CCDC171: variants seen among roughly 807,000 people sequenced by gnomAD.
CCDC171 encodes coiled-coil domain containing 171, also known as coiled-coil domain-containing protein 171.
A neutral mutation model predicts 168.2 loss-of-function variants in CCDC171; 177 were observed. That is an observed-to-expected ratio of 1.05 (90% CI 0.93 to 1.19). CCDC171 has a LOEUF of 1.19. Ranked by LOEUF, CCDC171 falls within the 50% of genes most tolerant of loss-of-function variation. The pLI, the probability that CCDC171 is intolerant of heterozygous loss-of-function variation, is 0.00. For synonymous variants in CCDC171, 687 were observed against 540.8 expected, an observed-to-expected ratio of 1.27 and a Z score of -3.75; for missense variants, 1,991 against 1,539.0, an observed-to-expected ratio of 1.29 and a Z score of -4.91.
chr9:15,629,484 A>G (rs1000043313), intron 7 of CCDC171, among the ~76,000 whole-genome samples: 2 of 152,192 alleles, frequency 1.3e-5, no homozygotes, highest in African/African-American at 4.8e-5. Flanking sequence ...AGAAAAAAGA[A>G]TAAAAAGAAA....
chr9:15,657,687 T>TA (rs1416679060), intron 8 of CCDC171, among the ~76,000 whole-genome samples: 2 of 152,228 alleles, frequency 1.3e-5, no homozygotes, highest in African/African-American at 4.8e-5. Flanking sequence ...TTTTGTAACT[T>TA]ACATTTTGTT....
intron 7 of CCDC171, among the ~76,000 whole-genome samples, chr9:15,633,404 C>T (rs536994816): frequency 6.6e-6 from 1 of 152,022 alleles, no homozygotes; most frequent in South Asian, 2.1e-4. Context: ...TTTATGCAGC[C>T]AAAAAAACAC....
intron 1 of CCDC171, among the ~76,000 whole-genome samples, chr9:16,058,340 C>A (rs2133082077): frequency 6.6e-6 from 1 of 152,316 alleles, no homozygotes; most frequent in East Asian, 1.9e-4. Flanking sequence ...TGAGAACACT[C>A]CCCTGCCTCT....
rs539207256 is a variant in CCDC171 at position 15,703,511 on chromosome 9, A to G, written c.1318+8174A>G. ...TCATGTATGAGTGAAAACATGTAGT[A>G]TTTGTCTTTCTGTGCCAGGCTTATT... On this transcript the variant is annotated intron_variant, in intron 11 of 25. Transcript: ENST00000380701. Among the ~76,000 whole-genome samples, 4 of 152,206 alleles carry G rather than the reference A, an allele frequency of 2.6e-5. No individual in the cohort carries two copies. The East Asian group carries it at 7.7e-4, about 29-fold the overall frequency.
intron 21 of CCDC171, among the ~76,000 whole-genome samples, chr9:15,827,975 T>G (rs897775031): frequency 6.6e-6 from 1 of 152,228 alleles, no homozygotes; most frequent in Non-Finnish European, 1.5e-5. Flanking sequence ...AGGACCTTTC[T>G]TTCTTAGAAG....
chr9:16,054,469 G>T (rs1353756026), intron 1 of CCDC171, among the ~76,000 whole-genome samples: 2 of 152,010 alleles, frequency 1.3e-5, no homozygotes, highest in East Asian at 3.9e-4. Flanking sequence ...GAGATTTCAG[G>T]CATAGCGAGT....
At chr9:15,688,619 G>A (rs2050575600) in intron 10 of CCDC171, among the ~76,000 whole-genome samples, 1 of 152,138 alleles carries the variant, frequency 6.6e-6, no homozygotes, top group South Asian at 2.1e-4. Flanking sequence ...TATCTCAATA[G>A]ACACAGAAAA....
chr9:15,665,133 A>T (rs546616885), intron 8 of CCDC171, among the ~76,000 whole-genome samples: 320 of 151,156 alleles, frequency 2.1e-3, no homozygotes, highest in African/African-American at 7.1e-3. Flanking sequence ...ATTTTTTTTT[A>T]AATTTTTTAT....
chr9:16,041,475 T>G (rs1427913561), upstream of CCDC171, among the ~76,000 whole-genome samples: 1 of 152,198 alleles, frequency 6.6e-6, no homozygotes, highest in Non-Finnish European at 1.5e-5. Flanking sequence ...GCGAAGAAGC[T>G]GGGGTTTTTG....
chr9:15,797,087 G>A (rs1015372136), intron 21 of CCDC171, among the ~76,000 whole-genome samples: 6 of 152,148 alleles, frequency 3.9e-5, no homozygotes, highest in Non-Finnish European at 8.8e-5. Context: ...TATAATGGGT[G>A]TATATGGTAT....
intron 6 of CCDC171, among the ~76,000 whole-genome samples, chr9:15,608,739 C>T (rs1327140815): frequency 6.6e-6 from 1 of 150,394 alleles, no homozygotes; most frequent in Non-Finnish European, 1.5e-5. Flanking sequence ...ATTGCTTGAG[C>T]CCAGGAGTTC....
At chr9:15,867,645 C>T (rs1324489508) in intron 23 of CCDC171, among the ~76,000 whole-genome samples, 2 of 152,034 alleles carry the variant, frequency 1.3e-5, no homozygotes, top group African/African-American at 2.4e-5. Context: ...AATGATACTC[C>T]AGCTCAAGAG....
At chr9:15,655,619 C>T (rs2047870500) in intron 7 of CCDC171, among the ~76,000 whole-genome samples, 1 of 152,110 alleles carries the variant, frequency 6.6e-6, no homozygotes, top group Non-Finnish European at 1.5e-5. Context: ...AAGGAGAAGA[C>T]AGGACGTAGA....
At chr9:15,589,057 GT>G (rs2041803087) in intron 4 of CCDC171, among the ~76,000 whole-genome samples, 1 of 151,852 alleles carries the variant, frequency 6.6e-6, no homozygotes, top group Admixed American at 6.6e-5. Context: ...AAACGTCGTT[GT>G]TTTTTGAGGA....
chr9:15,907,846 A>T (rs1250613665), intron 24 of CCDC171, among the ~76,000 whole-genome samples: 1 of 152,268 alleles, frequency 6.6e-6, no homozygotes, highest in Non-Finnish European at 1.5e-5. Context: ...TGGGCAAAGG[A>T]TATGAACAGA....
intron 23 of CCDC171, among the ~76,000 whole-genome samples, chr9:15,851,006 G>A (rs1334960462): frequency 2.6e-5 from 4 of 151,916 alleles, no homozygotes; most frequent in Non-Finnish European, 2.9e-5. Flanking sequence ...ATAAAACTAA[G>A]TCTTACCCGC....
intron 3 of CCDC171, among the ~76,000 whole-genome samples, chr9:15,979,792 G>T (rs1831737285): frequency 6.6e-6 from 1 of 151,484 alleles, no homozygotes; most frequent in Non-Finnish European, 1.5e-5. Flanking sequence ...CTAATACTGG[G>T]CTCATAGAAT....
intron 11 of CCDC171, among the ~76,000 whole-genome samples, chr9:15,718,203 C>G (rs1208586367): frequency 1.3e-5 from 2 of 152,190 alleles, no homozygotes; most frequent in Admixed American, 6.5e-5. Flanking sequence ...TGGAAGTACT[C>G]CTGGTGGGCC....
intron 6 of CCDC171, among the ~76,000 whole-genome samples, chr9:16,030,991 AAAG>A (rs1238111526): frequency 6.6e-6 from 1 of 152,236 alleles, no homozygotes; most frequent in South Asian, 2.1e-4. Flanking sequence ...CACTGGAGAC[AAAG>A]AAGAAGAGCC....
Sources: allele counts gnomAD v4.1 joint callset (sites outside exome capture counted in the v4.1 genomes callset), GRCh38; gene constraint gnomAD v4.1.1; transcripts MANE v1.5; gene names NCBI Gene and HGNC (gene_info 2026-07-23, HGNC 2026-07-21).